RETREG1: variants seen among roughly 807,000 people sequenced by gnomAD.
RETREG1 encodes the protein reticulophagy regulator 1.
In RETREG1, 44 loss-of-function variants were observed where a neutral mutation model predicts 54.8. The ratio of observed to expected loss-of-function variants is 0.80; its 90% CI spans 0.63 to 1.03. The LOEUF (loss-of-function observed/expected upper bound fraction) is 1.03. Among genes scored for constraint, RETREG1 ranks in the 50% least tolerant of loss-of-function variants. RETREG1 has a pLI of 0.00. For synonymous variants in RETREG1, 217 were observed against 238.5 expected (o/e 0.91, Z 0.83); for missense variants, 554 against 605.1 (o/e 0.92, Z 0.89).
intron 3 of RETREG1, among the ~76,000 whole-genome samples, chr5:16,553,776 A>G (rs957275262): frequency 1.6e-4 from 24 of 152,048 alleles, no homozygotes; most frequent in Admixed American, 3.9e-4. Context: ...TTTACAACTT[A>G]TATATATATT....
At chr5:16,565,076 T>C (rs1741971634) in intron 3 of RETREG1, among the ~76,000 whole-genome samples, 1 of 152,170 alleles carries the variant, frequency 6.6e-6, no homozygotes, top group African/African-American at 2.4e-5. Context: ...TACTGCAATA[T>C]TAATCCCCAT....
intron 1 of RETREG1, among the ~76,000 whole-genome samples, chr5:16,598,889 T>TGTTA (rs1390143192): frequency 6.6e-6 from 1 of 152,186 alleles, no homozygotes; most frequent in Admixed American, 6.5e-5. Flanking sequence ...TTTGTTTAAA[T>TGTTA]GTTACAGGCT....
chr5:16,527,728 T>C (rs1447804757), intron 3 of RETREG1, among the ~76,000 whole-genome samples: 1 of 150,914 alleles, frequency 6.6e-6, no homozygotes, highest in African/African-American at 2.4e-5. Context: ...TTTAATAATA[T>C]AGTAAGTGGT....
At position 16,473,933 on chromosome 5, in the gene RETREG1, A is replaced by G. The variant is rs1460207565; in HGVS notation, c.*808T>C. Reference sequence around the variant, plus strand: ...TCTAACTTAAGTCTGAGCAGGCAGAATAGAGCTGTGCTCCCAACATCCCTA... The same window carrying G: ...TCTAACTTAAGTCTGAGCAGGCAGAGTAGAGCTGTGCTCCCAACATCCCTA... On this transcript the variant is annotated 3_prime_UTR_variant, in exon 9 of 9. Coordinates refer to ENST00000306320, the MANE Select transcript of RETREG1 (RefSeq NM_001034850.3). The G allele has an allele frequency of 6.6e-6, 1 of 152,204 alleles. No homozygotes were observed. The highest frequency in any genetic ancestry group is 1.9e-4 in the East Asian group (1 of 5,202). The allele number at this position is 152,204 out of a possible 1,614,324, so 9.4% of individuals were successfully genotyped here.
chr5:16,590,396 G>A (rs911865539), intron 1 of RETREG1, among the ~76,000 whole-genome samples: 5 of 152,228 alleles, frequency 3.3e-5, no homozygotes, highest in African/African-American at 9.6e-5. Flanking sequence ...ACAAGCTGCA[G>A]GTCAGGCTTC....
At chr5:16,519,140 GATGACT>G (rs1740450975) in intron 3 of RETREG1, among the ~76,000 whole-genome samples, 1 of 152,170 alleles carries the variant, frequency 6.6e-6, no homozygotes, top group African/African-American at 2.4e-5. Flanking sequence ...TCTGACGAAT[GATGACT>G]ATGTGCACCC....
rs934603092 is a variant in RETREG1 at position 16,534,865 on chromosome 5, T to C, written c.458+30898A>G. ...CTTCTGTAAATAATGATCTCTTTAA[T>C]AGAAACTAAATCACTCATTCATTCA... On this transcript the variant is annotated intron_variant, in intron 3 of 8. Coordinates refer to ENST00000306320, the MANE Select transcript of RETREG1 (RefSeq NM_001034850.3). 1.1e-4 allele frequency among the ~76,000 whole-genome samples: 16 copies of C among 152,332 alleles called. No individual in the cohort carries two copies. In the East Asian group the frequency reaches 1.7e-3, roughly 17 times the overall value.
In RETREG1 at chr5:16,509,015, G is replaced by C. The variant is rs574081567; in HGVS notation, c.459-25543C>G. On this transcript the variant is annotated intron_variant, in intron 3 of 8. Coordinates refer to ENST00000306320, the MANE Select transcript of RETREG1 (RefSeq NM_001034850.3). ...TCATTGGATGACTTCACCTAGGCCC[G>C]CCTGCCCTTTTTCTTCCCCCGGCTT... is the stretch of plus-strand genomic sequence containing the variant. 1.4e-5 allele frequency: 14 copies of C among 997,806 alleles called. 1 individual carries two copies. In the South Asian group the frequency reaches 5.5e-4, roughly 39 times the overall value. The allele number at this position is 997,806 out of a possible 1,614,324, so 61.8% of individuals were successfully genotyped here.
At chr5:16,602,088 ACT>A (rs1743070145) in intron 1 of RETREG1, among the ~76,000 whole-genome samples, 1 of 152,156 alleles carries the variant, frequency 6.6e-6, no homozygotes, top group African/African-American at 2.4e-5. Flanking sequence ...TTTCCTCTGT[ACT>A]CTCTCAAACC....
At chr5:16,549,611 A>G (rs1741477088) in intron 3 of RETREG1, among the ~76,000 whole-genome samples, 1 of 152,222 alleles carries the variant, frequency 6.6e-6, no homozygotes, top group South Asian at 2.1e-4. Flanking sequence ...TATTCCAAGC[A>G]TGATACATCC....
At chr5:16,543,257 G>A (rs995944575) in intron 3 of RETREG1, among the ~76,000 whole-genome samples, 6 of 152,008 alleles carry the variant, frequency 3.9e-5, no homozygotes, top group Admixed American at 6.6e-5. Context: ...AGATAGTTTC[G>A]GCTATTACAA....
chr5:16,528,061 G>A (rs552758978), intron 3 of RETREG1, among the ~76,000 whole-genome samples: 1 of 151,784 alleles, frequency 6.6e-6, no homozygotes, highest in African/African-American at 2.4e-5. Flanking sequence ...CGCCTGCCTC[G>A]GCCTCCCAAA....
At chr5:16,534,889 C>T (rs1258869302) in intron 3 of RETREG1, among the ~76,000 whole-genome samples, 1 of 152,168 alleles carries the variant, frequency 6.6e-6, no homozygotes, top group African/African-American at 2.4e-5. Flanking sequence ...CTCATTCATT[C>T]ATCGGGCATT....
intron 2 of RETREG1, among the ~76,000 whole-genome samples, chr5:16,566,496 C>T (rs569719844): frequency 6.6e-6 from 1 of 152,260 alleles, no homozygotes; most frequent in Admixed American, 6.5e-5. Flanking sequence ...TAATGCAGCT[C>T]AATGTAAGAA....
intron 3 of RETREG1, among the ~76,000 whole-genome samples, chr5:16,484,760 C>A (rs1008753348): frequency 7.9e-5 from 12 of 152,190 alleles, no homozygotes; most frequent in Non-Finnish European, 1.5e-4. Flanking sequence ...GGGAAGTATA[C>A]CATTTTCCTT....
At chr5:16,514,398 G>A (rs371879075) in intron 3 of RETREG1, among the ~76,000 whole-genome samples, 3 of 152,172 alleles carry the variant, frequency 2.0e-5, no homozygotes, top group African/African-American at 4.8e-5. Flanking sequence ...CGCCACCTGC[G>A]TGAGGTTGGT....
chr5:16,492,941 CT>C (rs1395458639), intron 3 of RETREG1, among the ~76,000 whole-genome samples: 2 of 152,184 alleles, frequency 1.3e-5, no homozygotes, highest in Non-Finnish European at 2.9e-5. Flanking sequence ...CGTTCACTTT[CT>C]CAGGCCAATT....
At chr5:16,563,247 T>C (rs927314127) in intron 3 of RETREG1, among the ~76,000 whole-genome samples, 11 of 152,082 alleles carry the variant, frequency 7.2e-5, no homozygotes, top group Non-Finnish European at 4.4e-5. Flanking sequence ...ACAAAGTAAA[T>C]GTCTTTAATT....
At chr5:16,576,098 G>A (rs917007925) in intron 1 of RETREG1, among the ~76,000 whole-genome samples, 14 of 152,080 alleles carry the variant, frequency 9.2e-5, no homozygotes, top group Non-Finnish European at 1.8e-4. Flanking sequence ...AACTTCAAAC[G>A]TACACAAAAA....
Sources: allele counts gnomAD v4.1 joint callset (sites outside exome capture counted in the v4.1 genomes callset), GRCh38; gene constraint gnomAD v4.1.1; transcripts MANE v1.5; gene names NCBI Gene and HGNC (gene_info 2026-07-23, HGNC 2026-07-21).